The following JPT2 variants were observed in gnomAD, a reference collection of about 807,000 sequenced individuals.
The protein encoded by JPT2 is CRAMP_1 like.
Under a neutral mutation model 15.9 loss-of-function variants are expected in JPT2, and 9 were observed. That is an observed-to-expected ratio of 0.57 (90% confidence interval 0.34 to 0.99). The LOEUF is 0.99. Among genes scored for constraint, JPT2 ranks in the 50% least tolerant of loss-of-function variants. JPT2 has a pLI of 0.02. For synonymous variants in JPT2, 95 were observed against 91.7 expected (o/e 1.04, Z -0.21); for missense variants, 267 against 252.1 (o/e 1.06, Z -0.40).
chr16:1,694,159 C>A (rs912653628), intron 3 of JPT2, among the ~76,000 whole-genome samples: 1 of 152,184 alleles, frequency 6.6e-6, no homozygotes, highest in African/African-American at 2.4e-5. Context: ...ATTAGAATAT[C>A]ACTGTTTTAT....
intron 3 of JPT2, among the ~76,000 whole-genome samples, chr16:1,696,129 T>C (rs1282858620): frequency 1.3e-5 from 2 of 152,020 alleles, no homozygotes; most frequent in Admixed American, 1.3e-4. Context: ...CTCGGAAGAC[T>C]GAGGCAGAAG....
At position 1,685,390 on chromosome 16, in the gene JPT2, A is replaced by G. The variant is rs779782264; in HGVS notation, c.45-49A>G. 6 of 1,596,540 alleles carry G rather than the reference A, an allele frequency of 3.8e-6. No individual in the cohort carries two copies. In the Admixed American group the frequency reaches 8.9e-5, roughly 24 times the overall value. Reference sequence around the variant, plus strand: ...TGTGCCAAAATCCTTGCACAGTGACAAGCTTTCAGGTCTGCCATCAGTAAT... The same window carrying G: ...TGTGCCAAAATCCTTGCACAGTGACGAGCTTTCAGGTCTGCCATCAGTAAT... On this transcript the variant is annotated intron_variant, in intron 1 of 4. Transcript: ENST00000248098.
chr16:1,696,219 ACT>A (rs1354363896), intron 3 of JPT2, among the ~76,000 whole-genome samples: 1 of 146,324 alleles, frequency 6.8e-6, no homozygotes, highest in African/African-American at 2.7e-5. Context: ...ACAGAATGAG[ACT>A]CTGTCTCAAA....
intron 2 of JPT2, among the ~76,000 whole-genome samples, chr16:1,690,736 T>C (rs138195579): frequency 1.6e-3 from 242 of 152,370 alleles, no homozygotes; most frequent in Non-Finnish European, 2.6e-3. Context: ...CCCTTTTACA[T>C]GAAAACACTG....
intron 1 of JPT2, among the ~76,000 whole-genome samples, chr16:1,683,013 T>C (rs1478558470): frequency 1.3e-5 from 2 of 152,156 alleles, no homozygotes; most frequent in Non-Finnish European, 2.9e-5. Flanking sequence ...AATCTCGCTC[T>C]GTCACCCAGG....
chr16:1,679,544 A>G (rs1402971102), intron 1 of JPT2, among the ~76,000 whole-genome samples: 2 of 151,784 alleles, frequency 1.3e-5, no homozygotes, highest in African/African-American at 4.8e-5. Context: ...TAAAAATGCA[A>G]AAATTAGCCA....
At chr16:1,697,943 A>C in intron 4 of JPT2, 83 bp downstream of exon 4, 1 of 1,306,894 alleles carries the variant, frequency 7.7e-7, no homozygotes. Context: ...GGGAATGAAA[A>C]GGAGTCTTTC....
chr16:1,699,052 C>T lies in JPT2; in HGVS notation c.*54C>T. The T allele has an allele frequency of 6.4e-7, 1 of 1,568,082 alleles. No homozygotes were observed. The highest frequency in any genetic ancestry group is 1.1e-5 in the South Asian group (1 of 90,214). On this transcript the variant is annotated 3_prime_UTR_variant, in exon 5 of 5. Transcript: ENST00000248098. ...ACCAGAAACTCAAGAGATAGGGTAG[C>T]CATGTTTTCATTTCCTTTTGCCCAA... is the stretch of plus-strand genomic sequence containing the variant.
rs1163337238 is a variant in JPT2, at chr16:1,685,680, G to T, written c.193+93G>T. Reference sequence around the variant, plus strand: ...CTTTATACTGATCCTTTCCCATATTGTCTGGTTCAGGTAATCACTTGTTAT... The same window carrying T: ...CTTTATACTGATCCTTTCCCATATTTTCTGGTTCAGGTAATCACTTGTTAT... On this transcript the variant is annotated intron_variant, in intron 2 of 4. Coordinates refer to ENST00000248098, the MANE Select transcript of JPT2 (RefSeq NM_144570.3). 4 of 1,322,122 alleles carry T rather than the reference G, an allele frequency of 3.0e-6. No individual in the cohort carries two copies. In the Admixed American group the frequency reaches 9.1e-5, roughly 30 times the overall value. The allele number at this position is 1,322,122 out of a possible 1,614,324, so 81.9% of individuals were successfully genotyped here. A position where few individuals can be genotyped will look rare whatever the true frequency, so the allele number is the denominator to read the frequency against.
At position 1,679,696 on chromosome 16, in the gene JPT2, C is replaced by CAA. The variant is rs36037229; in HGVS notation, c.44+1353_44+1354dup. On this transcript the variant is annotated intron_variant, in intron 1 of 4. Coordinates refer to ENST00000248098, the MANE Select transcript of JPT2 (RefSeq NM_144570.3). ...TGTACGACAGAGCAAGACTCCGTCT[C>CAA]AAAAAAAAAAAAAACCCTTTAGATT... 2.6e-3 allele frequency among the ~76,000 whole-genome samples: 304 copies of CAA among 114,776 alleles called. 2 individuals are homozygous for CAA. The highest frequency in any genetic ancestry group is 8.9e-3 in the African/African-American group (276 of 31,102). The allele number at this position is 114,776 out of a possible 152,430, so 75.3% of individuals were successfully genotyped here. A position where few individuals can be genotyped will look rare whatever the true frequency, so the allele number is the denominator to read the frequency against.
At chr16:1,690,654 G>T (rs1239954814) in intron 2 of JPT2, 1 of 152,196 alleles carries the variant, frequency 6.6e-6, no homozygotes, top group Non-Finnish European at 1.5e-5. Context: ...CCCCAGTCCT[G>T]TTTCTTCACA....
intron 1 of JPT2, among the ~76,000 whole-genome samples, chr16:1,682,341 T>C (rs746138267): frequency 6.0e-5 from 9 of 149,794 alleles, no homozygotes; most frequent in Non-Finnish European, 1.0e-4. Flanking sequence ...CGCGTCACTG[T>C]ATTCCAGCCT....
chr16:1,697,677 TG>T (rs893730082), intron 3 of JPT2, 134 bp from the exon 4 acceptor site: 10 of 717,900 alleles, frequency 1.4e-5, no homozygotes, highest in South Asian at 5.3e-5. Flanking sequence ...TGTAGAGGAT[TG>T]GGGGGGTCCT....
chr16:1,695,204 G>A (rs899412177), intron 3 of JPT2, among the ~76,000 whole-genome samples: 6 of 152,046 alleles, frequency 3.9e-5, no homozygotes, highest in African/African-American at 7.2e-5. Context: ...CCGGGAGTTC[G>A]AGACCAGCCT....
intron 1 of JPT2, among the ~76,000 whole-genome samples, chr16:1,678,786 G>C (rs1431863169): frequency 6.6e-6 from 1 of 151,938 alleles, no homozygotes; most frequent in Non-Finnish European, 1.5e-5. Flanking sequence ...TGTCCCTAAG[G>C]GGTGTGCGGC....
In JPT2 at chr16:1,685,434, T is replaced by G; in HGVS notation, c.45-5T>G. 6.2e-7 allele frequency: 1 copy of G among 1,614,034 alleles called. No individual in the cohort carries two copies. Among genetic ancestry groups the G allele is most frequent in the Non-Finnish European group, 8.5e-7 (1 of 1,179,964 alleles). ...CAGTAATTGGCATGTACTCTGTGCT[T>G]GTAGGGCCATGAAGCCCCCAGGAGG... On this transcript the variant is annotated splice_polypyrimidine_tract_variant and splice_region_variant and intron_variant, in intron 1 of 4. Transcript: ENST00000248098.
downstream of JPT2, chr16:1,702,299 T>C: frequency 2.5e-6 from 1 of 400,280 alleles, no homozygotes; most frequent in South Asian, 1.7e-5. Flanking sequence ...TCTTCACTTG[T>C]TCATCCACAG....
chr16:1,681,934 A>C (rs1315896760), intron 1 of JPT2, among the ~76,000 whole-genome samples: 2 of 152,254 alleles, frequency 1.3e-5, no homozygotes, highest in African/African-American at 4.8e-5. Flanking sequence ...GAAATAAGTC[A>C]GTAAAAGGAA....
intron 1 of JPT2, among the ~76,000 whole-genome samples, chr16:1,681,048 A>C (rs2037018655): frequency 6.6e-6 from 1 of 152,232 alleles, no homozygotes; most frequent in Non-Finnish European, 1.5e-5. Flanking sequence ...GGGGTACCAC[A>C]AAAGGCAAAA....
Sources: gnomAD v4.1 joint callset for allele counts (sites outside exome capture counted in the v4.1 genomes callset) on GRCh38, gnomAD v4.1.1 for gene constraint, MANE v1.5 for transcripts, NCBI Gene and HGNC (gene_info 2026-07-23, HGNC 2026-07-21) for gene names.